Variants in PRCD observed in about 807,000 individuals in gnomAD.
PRCD encodes photoreceptor disc component, also known as photoreceptor disk component PRCD.
Under a neutral mutation model 10.1 loss-of-function variants are expected in PRCD, and 12 were observed. The ratio of observed to expected loss-of-function variants is 1.18; its 90% CI spans 0.76 to 1.92. The LOEUF (loss-of-function observed/expected upper bound fraction) is 1.92, where lower values mean the gene tolerates loss of function less well. Among genes scored for constraint, PRCD ranks in the 40% most tolerant of loss-of-function variants. The probability of loss-of-function intolerance (pLI) is 0.00; values close to 1 mark genes in which losing one functional copy is unlikely to be tolerated. For missense variants in PRCD, 61 were observed against 72.2 expected (o/e 0.84, Z 0.56); for synonymous variants, 31 against 26.2 (o/e 1.18, Z -0.56).
chr17:76,544,858 C>T lies in PRCD; in HGVS notation c.*1208C>T, dbSNP rs946851045. 7 of 456,698 alleles carry T rather than the reference C, an allele frequency of 1.5e-5. No homozygotes were observed. The highest frequency in any genetic ancestry group is 2.6e-5 in the Non-Finnish European group (6 of 226,992). 28.3% of individuals were successfully genotyped at this position (456,698 alleles called of 1,614,324 possible). ...TCAGGCCAAGGTCATGGAGCTGGCTCACGGCCCAGACGCACTTCCCCAGGG... is the reference window on the plus strand; with the variant it reads ...TCAGGCCAAGGTCATGGAGCTGGCTTACGGCCCAGACGCACTTCCCCAGGG... On this transcript the variant is annotated 3_prime_UTR_variant, in exon 5 of 5. Transcript: ENST00000592014.
upstream of PRCD, chr17:76,537,664 G>T: frequency 2.2e-6 from 2 of 895,694 alleles, no homozygotes; most frequent in Non-Finnish European, 2.7e-6. Flanking sequence ...GAGGGGTAGA[G>T]CGCGGAGGGA....
In PRCD at chr17:76,530,356, T is replaced by TC. The variant is rs2074821948; in HGVS notation, n.45+2525dup. 6.6e-6 allele frequency among the ~76,000 whole-genome samples: 1 copy of TC among 151,978 alleles called. No individual in the cohort carries two copies. The highest frequency in any genetic ancestry group is 1.5e-5 in the Non-Finnish European group (1 of 67,982). Reference sequence around the variant, plus strand: ...CAGGAGTCACAGAGGGCGGCCACCCTCCTTGAGCCACCTCCTGGGCCCAGA... The same window carrying TC: ...CAGGAGTCACAGAGGGCGGCCACCCTCCCTTGAGCCACCTCCTGGGCCCAGA... On this transcript the variant is annotated intron_variant and non_coding_transcript_variant, in intron 1 of 4. Transcript: ENST00000397633. This position sits in a 1 kb window ranked among gnomAD's most constrained non-coding sequence, Gnocchi z 6.1.
chr17:76,537,335 C>T, upstream of PRCD: 1 of 1,475,434 alleles, frequency 6.8e-7, no homozygotes, highest in Non-Finnish European at 9.0e-7. Flanking sequence ...GGGCCCAGCC[C>T]TCCTCTGCCC....
At chr17:76,550,679 G>A (rs1433832119) in intron 1 of PRCD, 4 of 152,224 alleles carry the variant, frequency 2.6e-5, no homozygotes, top group Non-Finnish European at 5.9e-5. Context: ...ATACTGTATT[G>A]TATGTAAGTT....
chr17:76,540,252 G>GGGC lies in PRCD; in HGVS notation c.74+39_74+40insCGG. 1.5e-5 allele frequency: 14 copies of GGGC among 925,446 alleles called. 1 individual carries two copies. Among genetic ancestry groups the GGGC allele is most frequent in the Non-Finnish European group, 2.1e-5 (13 of 632,716 alleles). 57.3% of individuals were successfully genotyped at this position (925,446 alleles called of 1,614,324 possible). On this transcript the variant is annotated intron_variant, in intron 1 of 4. Transcript: ENST00000592014. The surrounding 1 kb of genome is among the most constrained non-coding windows in gnomAD (Gnocchi z 5.0). Reference sequence around the variant, plus strand: ...ACCGGGCTATGGCTGGCGGTTGGTCGGGGGGGGGGGGCATGGGGCTGGGCT... The same window carrying GGGC: ...ACCGGGCTATGGCTGGCGGTTGGTCGGGCGGGGGGGGGGGCATGGGGCTGGGCT...
In PRCD at chr17:76,533,666, G is replaced by A. The variant is rs2074876407; in HGVS notation, n.45+5833G>A. Among the ~76,000 whole-genome samples the A allele has an allele frequency of 6.6e-6, 1 of 152,060 alleles. No individual in the cohort carries two copies. Among genetic ancestry groups the A allele is most frequent in the South Asian group, 2.1e-4 (1 of 4,832 alleles). On this transcript the variant is annotated intron_variant and non_coding_transcript_variant, in intron 1 of 4. Coordinates refer to the PRCD transcript ENST00000397633. This position sits in a 1 kb window ranked among gnomAD's most constrained non-coding sequence, Gnocchi z 4.5. ...TGAACCCGGGAGGCCAAGGCTGCAG[G>A]GAGCCAAGATTGTGCCATTGCACTC...
At position 76,530,800 on chromosome 17, in the gene PRCD, C is replaced by CTT. The variant is rs1474585411; in HGVS notation, n.45+2967_45+2968insTT. 2.6e-5 allele frequency among the ~76,000 whole-genome samples: 4 copies of CTT among 152,028 alleles called. No homozygotes were observed. The highest frequency in any genetic ancestry group is 9.7e-5 in the African/African-American group (4 of 41,346). ...TGAGCAGCCTGAAGTCACAGGGGAG[C>CTT]CATCTTGAAGGCCTTTCCTATTATG... is the stretch of plus-strand genomic sequence containing the variant. On this transcript the variant is annotated intron_variant and non_coding_transcript_variant, in intron 1 of 4. Transcript: ENST00000397633. This position sits in a 1 kb window ranked among gnomAD's most constrained non-coding sequence, Gnocchi z 6.1.
Position 76,531,323 on chromosome 17 carries a change from C to T in PRCD, n.45+3490C>T, listed in dbSNP as rs2074838689. 1 of 1,234,022 alleles carries T rather than the reference C, an allele frequency of 8.1e-7. No individual in the cohort carries two copies. 76.4% of individuals were successfully genotyped at this position (1,234,022 alleles called of 1,614,324 possible). On this transcript the variant is annotated intron_variant and non_coding_transcript_variant, in intron 1 of 4. Transcript: ENST00000397633. The surrounding 1 kb of genome is among the most constrained non-coding windows in gnomAD (Gnocchi z 7.4). ...TGGACCCAGCCCCTCCATCCTGCTG[C>T]CGGGCACTGCCCCTCCCTCTCGCAG... is the stretch of plus-strand genomic sequence containing the variant.
chr17:76,540,023 C>A, upstream of PRCD: 2 of 1,072,976 alleles, frequency 1.9e-6, no homozygotes, highest in Admixed American at 2.1e-5. The surrounding 1 kb of genome is among the most constrained non-coding windows in gnomAD (Gnocchi z 5.0). Flanking sequence ...CCTAATCCAT[C>A]CCCAGCAGGA....
rs1017811352 is a variant in PRCD at position 76,533,739 on chromosome 17, A to G, written n.45+5906A>G. 1.7e-4 allele frequency among the ~76,000 whole-genome samples: 25 copies of G among 151,312 alleles called. No individual in the cohort carries two copies. Among genetic ancestry groups the G allele is most frequent in the African/African-American group, 6.1e-4 (25 of 41,080 alleles). ...CCCTGAATCCAAAGAAATAATGATA[A>G]TAATAATAATAAAAGGTCAGGTGTG... On this transcript the variant is annotated intron_variant and non_coding_transcript_variant, in intron 1 of 4. Coordinates refer to the PRCD transcript ENST00000397633. This position sits in a 1 kb window ranked among gnomAD's most constrained non-coding sequence, Gnocchi z 4.5.
In PRCD at chr17:76,540,223, A is replaced by T. The variant is rs548816444; in HGVS notation, c.74+8A>T. On this transcript the variant is annotated splice_region_variant and intron_variant, in intron 1 of 4. Coordinates refer to ENST00000592014, the MANE Select transcript of PRCD (RefSeq NM_001077620.3). The surrounding 1 kb of genome is among the most constrained non-coding windows in gnomAD (Gnocchi z 5.0). ...TGCCAACCGAGTCCAACCGTGAGAA[A>T]CTGACCGGGCTATGGCTGGCGGTTG... 5.9e-5 allele frequency: 78 copies of T among 1,326,476 alleles called. No individual in the cohort carries two copies. In the South Asian group the frequency reaches 8.7e-4, roughly 15 times the overall value. 82.2% of individuals were successfully genotyped at this position (1,326,476 alleles called of 1,614,324 possible). A position where few individuals can be genotyped will look rare whatever the true frequency, so the allele number is the denominator to read the frequency against.
upstream of PRCD, chr17:76,538,384 C>T (rs1355094126): frequency 7.8e-6 from 3 of 386,922 alleles, no homozygotes; most frequent in Non-Finnish European, 1.6e-5. Flanking sequence ...TTGAGCGCAC[C>T]TCCGACCTCG....
chr17:76,544,625 G>T lies in PRCD; in HGVS notation c.*975G>T, dbSNP rs1166712961. Reference sequence around the variant, plus strand: ...CGTGAGCCCGTGATCGCCTGTCTCAGCTCCTGTCAGCCTGTCTCTCTCTTT... The same window carrying T: ...CGTGAGCCCGTGATCGCCTGTCTCATCTCCTGTCAGCCTGTCTCTCTCTTT... On this transcript the variant is annotated 3_prime_UTR_variant, in exon 5 of 5. Coordinates refer to ENST00000592014, the MANE Select transcript of PRCD (RefSeq NM_001077620.3). The T allele has an allele frequency of 2.2e-6, 1 of 456,788 alleles. No individual in the cohort carries two copies. Among genetic ancestry groups the T allele is most frequent in the Admixed American group, 2.3e-5 (1 of 42,592 alleles). 28.3% of individuals were successfully genotyped at this position (456,788 alleles called of 1,614,324 possible).
Position 76,531,345 on chromosome 17 carries a change from G to C in PRCD, n.45+3512G>C. ...CTGCCGGGCACTGCCCCTCCCTCTC[G>C]CAGCCACTCCGGGGATCACCTCTGT... is the stretch of plus-strand genomic sequence containing the variant. On this transcript the variant is annotated intron_variant and non_coding_transcript_variant, in intron 1 of 4. Transcript: ENST00000397633. The surrounding 1 kb of genome is among the most constrained non-coding windows in gnomAD (Gnocchi z 7.4). The C allele has an allele frequency of 7.4e-7, 1 of 1,355,166 alleles. No individual in the cohort carries two copies. Among genetic ancestry groups the C allele is most frequent in the Non-Finnish European group, 1.0e-6 (1 of 990,094 alleles). The allele number at this position is 1,355,166 out of a possible 1,614,324, so 83.9% of individuals were successfully genotyped here.
At chr17:76,532,122 T>C (rs2074851646) in intron 1 of PRCD, 1 of 165,892 alleles carries the variant, frequency 6.0e-6, no homozygotes, top group Admixed American at 5.5e-5. Context: ...CATGAAGTCA[T>C]GCTTATGCTC....
intron 1 of PRCD, among the ~76,000 whole-genome samples, chr17:76,532,511 G>C (rs1197245360): frequency 6.7e-6 from 1 of 150,174 alleles, no homozygotes; most frequent in Admixed American, 6.6e-5. Flanking sequence ...GGGCCCTGCA[G>C]TGTGAAAAAT....
upstream of PRCD, among the ~76,000 whole-genome samples, chr17:76,539,345 CGT>C (rs2074959813): frequency 1.3e-5 from 2 of 152,164 alleles, no homozygotes; most frequent in Non-Finnish European, 2.9e-5. Flanking sequence ...GTAATATAGT[CGT>C]ATGGTGTAGG....
chr17:76,533,260 AG>A lies in PRCD; in HGVS notation n.45+5430del, dbSNP rs748064551. ...TCCCTGTTTGCAGAAGGGCAAGAGG[AG>A]GGCCCCCGCTCACTGCTTCATGGAT... On this transcript the variant is annotated intron_variant and non_coding_transcript_variant, in intron 1 of 4. Coordinates refer to the PRCD transcript ENST00000397633. The surrounding 1 kb of genome is among the most constrained non-coding windows in gnomAD (Gnocchi z 4.5). Among the ~76,000 whole-genome samples, 7 of 152,192 alleles carry A rather than the reference AG, an allele frequency of 4.6e-5. No homozygotes were observed. Among genetic ancestry groups the A allele is most frequent in the Non-Finnish European group, 8.8e-5 (6 of 68,036 alleles).
chr17:76,540,438 C>T lies in PRCD; in HGVS notation c.75-67C>T. 2 of 1,554,716 alleles carry T rather than the reference C, an allele frequency of 1.3e-6. No homozygotes were observed. Among genetic ancestry groups the T allele is most frequent in the South Asian group, 1.1e-5 (1 of 89,798 alleles). ...CTCCCATAGCCCAATGCGGCCTGGACCTGTGGAGGGACAGTGAGGGGCTGG... is the reference window on the plus strand; with the variant it reads ...CTCCCATAGCCCAATGCGGCCTGGATCTGTGGAGGGACAGTGAGGGGCTGG... On this transcript the variant is annotated intron_variant, in intron 1 of 4. Transcript: ENST00000592014. This position sits in a 1 kb window ranked among gnomAD's most constrained non-coding sequence, Gnocchi z 5.0.
Sources: gnomAD v4.1 joint callset for allele counts (sites outside exome capture counted in the v4.1 genomes callset) on GRCh38, gnomAD v4.1.1 for gene constraint, Gnocchi (gnomAD v3.1) non-coding constraint, MANE v1.5 for transcripts, NCBI Gene and HGNC (gene_info 2026-07-23, HGNC 2026-07-21) for gene names.